The following CKM variants were observed in gnomAD, a reference collection of about 807,000 sequenced individuals.
The protein encoded by CKM is creatine kinase M-type.
In CKM, 28 loss-of-function variants were observed where a neutral mutation model predicts 35.4. That is an observed-to-expected ratio of 0.79 (90% CI 0.59 to 1.08). The LOEUF is 1.08. Ranked by LOEUF, CKM falls within the 50% of genes least tolerant of loss-of-function variation. The pLI is 0.00. For missense variants in CKM, 484 were observed against 509.8 expected (o/e 0.95, Z 0.49); for synonymous variants, 215 against 204.4 (o/e 1.05, Z -0.44).
Position 45,317,874 on chromosome 19 carries a change from T to C in CKM, c.299A>G (p.Tyr100Cys), listed in dbSNP as rs747678334. 10 of 1,614,044 alleles carry C rather than the reference T, an allele frequency of 6.2e-6. No individual in the cohort carries two copies. The highest frequency in any genetic ancestry group is 5.5e-5 in the South Asian group (5 of 91,072). The change falls in exon 3 of 8, where the codon TAC becomes TGC. Residue 100 changes from tyrosine (Y) to cysteine (C), a missense_variant. Transcript: ENST00000221476. ...DPIISDRHGG[Y>C]KPTDKHKTDL... The stretch of plus-strand genomic sequence containing the variant: ...AGTCTTGTGCTTGTCAGTGGGTTTG[T>C]AGCCCCCGTGGCGATCCGAGATGAT...
chr19:45,322,811 C>A lies in CKM; in HGVS notation c.-19+10G>T. 1.0e-6 allele frequency: 1 copy of A among 985,698 alleles called. No homozygotes were observed. The highest frequency in any genetic ancestry group is 1.2e-6 in the Non-Finnish European group (1 of 830,144). The allele number at this position is 985,698 out of a possible 1,614,324, so 61.1% of individuals were successfully genotyped here. On this transcript the variant is annotated intron_variant, in intron 1 of 7. Transcript: ENST00000221476. Reference sequence around the variant, plus strand: ...CTGGCCCCCACCCAGATTCCCGCCCCGTGCAGTACCTGGCTGGGCTGGGCT... The same window carrying A: ...CTGGCCCCCACCCAGATTCCCGCCCAGTGCAGTACCTGGCTGGGCTGGGCT...
rs1246722067 is a variant in CKM at position 45,306,633 on chromosome 19, G to C, written c.*117C>G. The C allele has an allele frequency of 3.8e-6, 4 of 1,040,636 alleles. No individual in the cohort carries two copies. The African/African-American group carries it at 6.2e-5, about 16-fold the overall frequency. 64.5% of individuals were successfully genotyped at this position (1,040,636 alleles called of 1,614,324 possible). On this transcript the variant is annotated 3_prime_UTR_variant, in exon 8 of 8. Coordinates refer to ENST00000221476, the MANE Select transcript of CKM (RefSeq NM_001824.5). This position sits in a 1 kb window ranked among gnomAD's most constrained non-coding sequence, Gnocchi z 4.5. Reference sequence around the variant, plus strand: ...TGGAACTCTGAGAAGGGTGGAGAGAGCCCCCAGGTGGGACTCTGGGACAGG... The same window carrying C: ...TGGAACTCTGAGAAGGGTGGAGAGACCCCCCAGGTGGGACTCTGGGACAGG...
chr19:45,309,003 G>A (rs561766877), intron 5 of CKM, among the ~76,000 whole-genome samples: 318 of 151,824 alleles, frequency 2.1e-3, no homozygotes, highest in Non-Finnish European at 3.8e-3. Flanking sequence ...CGAGGCGGGC[G>A]GATCACAAGG....
chr19:45,313,755 G>A (rs552007493), intron 4 of CKM, among the ~76,000 whole-genome samples: 13 of 152,296 alleles, frequency 8.5e-5, no homozygotes, highest in South Asian at 4.1e-4. Flanking sequence ...GCTGAGACAC[G>A]AGAATTGCTT....
At chr19:45,315,329 C>A (rs1971146291) in intron 4 of CKM, 136 bp downstream of exon 4, 2 of 1,003,660 alleles carry the variant, frequency 2.0e-6, no homozygotes, top group Admixed American at 2.4e-5. Flanking sequence ...CCGCGCCATT[C>A]CCCAAGCCCC....
rs781462342 is a variant in CKM at position 45,319,671 on chromosome 19, T to C, written c.43A>G (p.Lys15Glu). 6.8e-6 allele frequency: 11 copies of C among 1,614,102 alleles called. No individual in the cohort carries two copies. Among genetic ancestry groups the C allele is most frequent in the Non-Finnish European group, 8.5e-6 (10 of 1,180,034 alleles). Residue 15 changes from lysine (K) to glutamate (E), a missense_variant, in exon 2 of 8, where the codon AAG (lysine) becomes GAG (glutamate). By Grantham distance (56) the Lys-to-Glu change is moderately conservative (BLOSUM62 1). Coordinates refer to ENST00000221476, the MANE Select transcript of CKM (RefSeq NM_001824.5). ...AGGTCGGGGTACTCCTCCTCAGGCT[T>C]GTAATTCAGCTTGAACTTGTTGTGG... is the stretch of plus-strand genomic sequence containing the variant. ...NTHNKFKLNY[K>E]PEEEYPDLSK...
At chr19:45,316,638 C>A (rs1971161239) in intron 3 of CKM, among the ~76,000 whole-genome samples, 1 of 151,648 alleles carries the variant, frequency 6.6e-6, no homozygotes, top group South Asian at 2.1e-4. Context: ...TTCTGTTTCT[C>A]TTCCTGTCTC....
chr19:45,308,397 G>A lies in CKM; in HGVS notation c.777+12C>T, dbSNP rs969955367. 3.1e-6 allele frequency: 5 copies of A among 1,613,994 alleles called. No homozygotes were observed. The highest frequency in any genetic ancestry group is 4.2e-6 in the Non-Finnish European group (5 of 1,179,996). ...TGGAGTCAGAAGTCAGCAGCTAAGG[G>A]CAGACACCCACCTTCTGCAGCCCTA... On this transcript the variant is annotated intron_variant, in intron 6 of 7. Transcript: ENST00000221476.
chr19:45,319,492 C>G (rs1201912519), intron 2 of CKM, 29 bp downstream of exon 2: 12 of 1,587,492 alleles, frequency 7.6e-6, no homozygotes, highest in Non-Finnish European at 1.0e-5. Flanking sequence ...CCCATGTAGC[C>G]CCTTCAGTGC....
intron 5 of CKM, 98 bp downstream of exon 5, chr19:45,311,651 G>A (rs1344785923): frequency 2.0e-6 from 2 of 996,896 alleles, no homozygotes; most frequent in Non-Finnish European, 3.0e-6. Flanking sequence ...TCATAATTAC[G>A]TATATGGCCT....
intron 6 of CKM, 130 bp downstream of exon 6, chr19:45,308,279 A>G (rs1359224750): frequency 2.8e-6 from 3 of 1,061,438 alleles, no homozygotes; most frequent in Admixed American, 2.5e-5. Flanking sequence ...GGGTGGAGCC[A>G]GGTCCGGGGG....
At chr19:45,315,336 C>T in intron 4 of CKM, 129 bp downstream of exon 4, 2 of 1,053,828 alleles carry the variant, frequency 1.9e-6, no homozygotes, top group African/African-American at 1.6e-5. Flanking sequence ...ATTCCCCAAG[C>T]CCCCACGATT....
At position 45,317,959 on chromosome 19, in the gene CKM, C is replaced by T. The variant is rs1803285; in HGVS notation, c.214G>A (p.Val72Met). Reference protein sequence around the residue: ...DNPGHPFIMTVGCVAGDEESY... With the variant: ...DNPGHPFIMTMGCVAGDEESY... Reference sequence around the variant, plus strand: ...TCCTCATCACCAGCCACGCAGCCCACGGTCATGATGAAGGGGTGACCTGGA... The same window carrying T: ...TCCTCATCACCAGCCACGCAGCCCATGGTCATGATGAAGGGGTGACCTGGA... Residue 72 changes from valine (V) to methionine (M), a missense_variant, in exon 3 of 8, where the codon GTG (valine) becomes ATG (methionine). By Grantham distance (21) the Val-to-Met change is conservative. Coordinates refer to ENST00000221476, the MANE Select transcript of CKM (RefSeq NM_001824.5). 3.1e-6 allele frequency: 5 copies of T among 1,613,922 alleles called. No individual in the cohort carries two copies. Among genetic ancestry groups the T allele is most frequent in the Non-Finnish European group, 4.2e-6 (5 of 1,179,968 alleles).
chr19:45,319,916 G>A (rs344819), intron 1 of CKM, among the ~76,000 whole-genome samples, 185 bp from the exon 2 acceptor site: 115,610 of 151,330 alleles, frequency 0.76, 45,112 homozygotes, highest in African/African-American at 0.92. Context: ...TCAGCCTCCC[G>A]AGTAGCTGGG....
chr19:45,322,710 G>A (rs1396537012), intron 1 of CKM, 111 bp downstream of exon 1: 2 of 598,894 alleles, frequency 3.3e-6, no homozygotes, highest in African/African-American at 4.0e-5. Flanking sequence ...TGTATAGGAG[G>A]ATGTTGGTGG....
intron 1 of CKM, among the ~76,000 whole-genome samples, chr19:45,320,317 G>A (rs1037463928): frequency 5.5e-5 from 8 of 146,210 alleles, no homozygotes; most frequent in South Asian, 2.2e-4. Flanking sequence ...GGCTGGTCTC[G>A]AACTCCTGGC....
intron 1 of CKM, among the ~76,000 whole-genome samples, chr19:45,320,025 G>A (rs528222107): frequency 7.9e-5 from 12 of 151,988 alleles, no homozygotes; most frequent in African/African-American, 2.2e-4. Flanking sequence ...TCCTGACCTT[G>A]TGATCCGCCC....
At chr19:45,313,094 A>G (rs1300869427) in intron 4 of CKM, among the ~76,000 whole-genome samples, 1 of 152,152 alleles carries the variant, frequency 6.6e-6, no homozygotes, top group Admixed American at 6.6e-5. Context: ...TAATATACAG[A>G]CATACCTCGT....
rs1222453352 is a variant in CKM, at chr19:45,307,586, A to G, written c.842T>C (p.Leu281Pro). ...AGTGCCCAGGTTGGATGGGCAGGTG[A>G]GCACGTAGCCCAGGTGCTGGTTCCA... Reference protein sequence around the residue: ...FMWNQHLGYVLTCPSNLGTGL... With the variant: ...FMWNQHLGYVPTCPSNLGTGL... The change falls in exon 7 of 8, where the codon CTC (leucine) becomes CCC (proline). Residue 281 changes from leucine to proline, a missense_variant. Physicochemically the swap from Leu to Pro is moderately conservative, Grantham distance 98. Coordinates refer to ENST00000221476, the MANE Select transcript of CKM (RefSeq NM_001824.5). The G allele has an allele frequency of 6.2e-7, 1 of 1,614,106 alleles. No homozygotes were observed. Among genetic ancestry groups the G allele is most frequent in the East Asian group, 2.2e-5 (1 of 44,880 alleles).
Sources: gnomAD v4.1 joint callset for allele counts (sites outside exome capture counted in the v4.1 genomes callset) on GRCh38, gnomAD v4.1.1 for gene constraint, Gnocchi (gnomAD v3.1) non-coding constraint, MANE v1.5 for transcripts, NCBI Gene and HGNC (gene_info 2026-07-23, HGNC 2026-07-21) for gene names.